The following EPHB1 variants were observed in gnomAD, a reference collection of about 807,000 sequenced individuals.
EPHB1 encodes the protein EPH receptor B1.
A neutral mutation model predicts 94.4 loss-of-function variants in EPHB1; 30 were observed. The ratio of observed to expected loss-of-function variants is 0.32; its 90% CI spans 0.24 to 0.43. The LOEUF (loss-of-function observed/expected upper bound fraction) is 0.43, where lower values mean the gene tolerates loss of function less well. EPHB1 is among the 20% of genes least tolerant of loss of function. The pLI is 1.00. For missense variants in EPHB1, 1,055 were observed against 1,308.3 expected (o/e 0.81, Z 2.99); for synonymous variants, 522 against 489.1 (o/e 1.07, Z -0.89).
chr3:135,069,979 A>G (rs1937651441), intron 3 of EPHB1, among the ~76,000 whole-genome samples: 1 of 152,236 alleles, frequency 6.6e-6, no homozygotes, highest in African/African-American at 2.4e-5. Flanking sequence ...AGGACTTTTC[A>G]GAGCCTTTCT....
chr3:134,867,108 A>G (rs1230492787), intron 1 of EPHB1, among the ~76,000 whole-genome samples: 1 of 152,088 alleles, frequency 6.6e-6, no homozygotes, highest in Non-Finnish European at 1.5e-5. Flanking sequence ...CCACAGCCTA[A>G]TTGCCTCTGA....
chr3:134,864,595 A>G (rs2108305124), intron 1 of EPHB1, among the ~76,000 whole-genome samples: 1 of 152,308 alleles, frequency 6.6e-6, no homozygotes, highest in South Asian at 2.1e-4. Flanking sequence ...ACATCAGTGA[A>G]CCTGAAGGAG....
Position 134,795,646 on chromosome 3 carries a change from T to TCTA in EPHB1, c.21_23dup (p.Leu11dup). 1 of 1,609,294 alleles carries TCTA rather than the reference T, an allele frequency of 6.2e-7. No individual in the cohort carries two copies. Among genetic ancestry groups the TCTA allele is most frequent in the South Asian group, 1.1e-5 (1 of 90,680 alleles). ...GTCGGCCGGCGATGGCCCTGGATTA[T>TCTA]CTACTACTGCTCCTCCTGGCATCCG... On this transcript the variant is annotated inframe_insertion, in exon 1 of 16. Transcript: ENST00000398015.
At chr3:135,033,177 G>A (rs539447916) in intron 3 of EPHB1, among the ~76,000 whole-genome samples, 1 of 152,304 alleles carries the variant, frequency 6.6e-6, no homozygotes, top group African/African-American at 2.4e-5. Flanking sequence ...GGATAGGGCA[G>A]CATGGGGGAA....
chr3:135,147,011 AC>A (rs1941031213), intron 5 of EPHB1, among the ~76,000 whole-genome samples: 1 of 152,196 alleles, frequency 6.6e-6, no homozygotes, highest in African/African-American at 2.4e-5. Flanking sequence ...CAGTTGAAGG[AC>A]CTGAGGCCCA....
intron 4 of EPHB1, among the ~76,000 whole-genome samples, chr3:135,117,094 A>G (rs1283871028): frequency 1.3e-5 from 2 of 152,244 alleles, no homozygotes; most frequent in Non-Finnish European, 2.9e-5. Context: ...GATATCCACA[A>G]AGAGCAGAGG....
At chr3:134,974,956 TGCCCA>T (rs1934127013) in intron 3 of EPHB1, among the ~76,000 whole-genome samples, 1 of 152,142 alleles carries the variant, frequency 6.6e-6, no homozygotes, top group African/African-American at 2.4e-5. Context: ...TCCCTGCCAC[TGCCCA>T]TCCTCTCTGT....
intron 2 of EPHB1, among the ~76,000 whole-genome samples, chr3:134,936,587 G>C (rs973497378): frequency 1.3e-5 from 2 of 152,030 alleles, no homozygotes; most frequent in South Asian, 2.1e-4. Context: ...CCCTCCATTT[G>C]AGATGCTGCT....
chr3:134,811,627 T>C (rs1049713645), intron 1 of EPHB1, among the ~76,000 whole-genome samples: 5 of 152,076 alleles, frequency 3.3e-5, no homozygotes, highest in Non-Finnish European at 7.4e-5. Flanking sequence ...CATCTGTTCA[T>C]GTACTGAGGC....
intron 1 of EPHB1, among the ~76,000 whole-genome samples, chr3:134,887,902 C>T (rs548998538): frequency 4.5e-4 from 69 of 152,260 alleles, no homozygotes; most frequent in Non-Finnish European, 8.1e-4. Context: ...AGGGACCTTC[C>T]AGCCTGGATT....
At chr3:135,057,472 G>T (rs1576351637) in intron 3 of EPHB1, among the ~76,000 whole-genome samples, 2 of 152,136 alleles carry the variant, frequency 1.3e-5, no homozygotes, top group South Asian at 4.2e-4. Context: ...GAAGGGCCAG[G>T]GTCTCTGCTG....
At chr3:134,932,962 C>A (rs893977091) in intron 2 of EPHB1, among the ~76,000 whole-genome samples, 1 of 152,148 alleles carries the variant, frequency 6.6e-6, no homozygotes, top group Non-Finnish European at 1.5e-5. Flanking sequence ...TGGACCTGAT[C>A]GCGGATTGCT....
At chr3:135,048,955 A>G (rs957815737) in intron 3 of EPHB1, among the ~76,000 whole-genome samples, 3 of 152,180 alleles carry the variant, frequency 2.0e-5, no homozygotes, top group Non-Finnish European at 4.4e-5. Flanking sequence ...TGGGAGTTCT[A>G]GCCCCTGTGG....
At chr3:135,115,970 C>G (rs1236549278) in intron 4 of EPHB1, among the ~76,000 whole-genome samples, 1 of 152,130 alleles carries the variant, frequency 6.6e-6, no homozygotes, top group East Asian at 1.9e-4. Flanking sequence ...AATCCCAGGA[C>G]TTTGGGAGGC....
At chr3:134,828,525 C>G (rs1370390920) in intron 1 of EPHB1, among the ~76,000 whole-genome samples, 2 of 152,202 alleles carry the variant, frequency 1.3e-5, no homozygotes, top group Admixed American at 1.3e-4. Context: ...TTTTATAGAT[C>G]AGGAACCTGA....
rs147723372 is a variant in EPHB1 at position 134,899,788 on chromosome 3, C to T, written c.59-26028C>T. Among the ~76,000 whole-genome samples the T allele has an allele frequency of 7.6e-3, 1,154 of 152,318 alleles. 26 individuals are homozygous for T. The South Asian group carries it at 0.08, about 11-fold the overall frequency. On this transcript the variant is annotated intron_variant, in intron 1 of 15. Coordinates refer to ENST00000398015, the MANE Select transcript of EPHB1 (RefSeq NM_004441.5). ...CTCCTGGGCTCAAGCCATCCTCCTG[C>T]TTCAGCCTCCCAAATATCTGGGACT...
Position 135,259,160 on chromosome 3 carries a change from C to T in EPHB1, c.*40C>T. On this transcript the variant is annotated 3_prime_UTR_variant, in exon 16 of 16. Coordinates refer to ENST00000398015, the MANE Select transcript of EPHB1 (RefSeq NM_004441.5). ...TGGGGAAGGAGAGGAGGGAAAAGGA[C>T]CAGGGTCAAGGGGGACCAGAGGTTG... 6.6e-7 allele frequency: 1 copy of T among 1,520,612 alleles called. No individual in the cohort carries two copies. Among genetic ancestry groups the T allele is most frequent in the Non-Finnish European group, 9.0e-7 (1 of 1,111,212 alleles). The allele number at this position is 1,520,612 out of a possible 1,614,324, so 94.2% of individuals were successfully genotyped here. A position where few individuals can be genotyped will look rare whatever the true frequency, so the allele number is the denominator to read the frequency against.
At chr3:135,248,578 C>T in intron 14 of EPHB1, 69 bp downstream of exon 14, 1 of 1,454,416 alleles carries the variant, frequency 6.9e-7, no homozygotes, top group South Asian at 1.4e-5. Context: ...CCAGCAGCCT[C>T]TGACCATGAT....
intron 3 of EPHB1, among the ~76,000 whole-genome samples, chr3:134,986,458 G>A (rs1934599646): frequency 1.3e-5 from 2 of 152,130 alleles, no homozygotes; most frequent in South Asian, 4.1e-4. Context: ...GACCATCCCA[G>A]CCAACATGCG....
Sources: gnomAD v4.1 joint callset for allele counts (sites outside exome capture counted in the v4.1 genomes callset) on GRCh38, gnomAD v4.1.1 for gene constraint, MANE v1.5 for transcripts, NCBI Gene and HGNC (gene_info 2026-07-23, HGNC 2026-07-21) for gene names.